Variants in KIF5B observed in about 807,000 individuals in gnomAD.
KIF5B encodes the protein kinesin-1 heavy chain.
KIF5B carries 49 observed loss-of-function variants against 132.8 expected under a neutral mutation model. The ratio of observed to expected loss-of-function variants is 0.37; its 90% CI spans 0.29 to 0.47. The LOEUF is 0.47. KIF5B is among the 20% of genes least tolerant of loss of function. The pLI is 1.00. For missense variants in KIF5B, 780 were observed against 1,144.0 expected, an observed-to-expected ratio of 0.68 and a Z score of 4.59; for synonymous variants, 355 against 369.4, an observed-to-expected ratio of 0.96 and a Z score of 0.45.
chr10:32,040,552 G>T, intron 2 of KIF5B, 95 bp from the exon 3 acceptor site: 1 of 671,644 alleles, frequency 1.5e-6, no homozygotes, highest in Non-Finnish European at 2.6e-6. Flanking sequence ...TAGAGAAAAG[G>T]TTAAAAAAAA....
At chr10:32,037,179 C>A (rs1592449047) in intron 8 of KIF5B, 75 bp downstream of exon 8, 2 of 1,401,248 alleles carry the variant, frequency 1.4e-6, no homozygotes, top group Non-Finnish European at 2.0e-6. Flanking sequence ...CAACAATGAA[C>A]CCTGCGTAAC....
At chr10:32,026,880 T>A (rs1392232926) in intron 15 of KIF5B, among the ~76,000 whole-genome samples, 1 of 152,176 alleles carries the variant, frequency 6.6e-6, no homozygotes, top group African/African-American at 2.4e-5. Flanking sequence ...ATGTTCAGAC[T>A]GATGGTGAAG....
rs1465968379 is a variant in KIF5B at position 32,019,816 on chromosome 10, T to G, written c.2306+42A>C. On this transcript the variant is annotated intron_variant, in intron 20 of 25. Coordinates refer to ENST00000302418, the MANE Select transcript of KIF5B (RefSeq NM_004521.3). ...AAGGTAATGCCTATAATCCTCTAAT[T>G]TAGCTTTTATTTTTAAACTTTAATT... 6 of 1,359,368 alleles carry G rather than the reference T, an allele frequency of 4.4e-6. No homozygotes were observed. The South Asian group carries it at 7.4e-5, about 17-fold the overall frequency. 84.2% of individuals were successfully genotyped at this position (1,359,368 alleles called of 1,614,324 possible). A position where few individuals can be genotyped will look rare whatever the true frequency, so the allele number is the denominator to read the frequency against.
At position 32,018,511 on chromosome 10, in the gene KIF5B, T is replaced by C. The variant is rs779684808; in HGVS notation, c.2358A>G (p.Glu786=). 4 of 1,613,376 alleles carry C rather than the reference T, an allele frequency of 2.5e-6. No individual in the cohort carries two copies. In the East Asian group the frequency reaches 8.9e-5, roughly 36 times the overall value. The change falls in exon 21 of 26, where the codon GAA becomes GAG. Residue 786 remains glutamate, a synonymous_variant. Transcript: ENST00000302418. Reference sequence around the variant, plus strand: ...TTCATGTTTTTCTTACCACTGTCTCTTCCAAACCCTTCAAGTCTTGTCTTG... The same window carrying C: ...TTCATGTTTTTCTTACCACTGTCTCCTCCAAACCCTTCAAGTCTTGTCTTG... ...EQARQDLKGL[E]ETVAKELQTL...
chr10:32,030,356 A>G lies in KIF5B; in HGVS notation c.1581+717T>C, dbSNP rs191016442. 5.4e-3 allele frequency among the ~76,000 whole-genome samples: 819 copies of G among 152,104 alleles called. 2 individuals carry two copies. Among genetic ancestry groups the G allele is most frequent in the Non-Finnish European group, 7.6e-3 (518 of 67,996 alleles). ...ACATGGTGAAACCCTGTTGCTACTAAAAATACAAAATGAGCCGGGCGTGGT... is the reference window on the plus strand; with the variant it reads ...ACATGGTGAAACCCTGTTGCTACTAGAAATACAAAATGAGCCGGGCGTGGT... On this transcript the variant is annotated intron_variant, in intron 14 of 25. Coordinates refer to ENST00000302418, the MANE Select transcript of KIF5B (RefSeq NM_004521.3).
chr10:32,052,091 A>G (rs2132618834), intron 1 of KIF5B, among the ~76,000 whole-genome samples: 1 of 152,352 alleles, frequency 6.6e-6, no homozygotes, highest in African/African-American at 2.4e-5. Context: ...AGGTTCCTTA[A>G]GGGAAGTGAT....
At chr10:32,044,407 C>T (rs945469372) in intron 2 of KIF5B, among the ~76,000 whole-genome samples, 1 of 152,158 alleles carries the variant, frequency 6.6e-6, no homozygotes, top group African/African-American at 2.4e-5. Context: ...CGTGGTGGCT[C>T]ACGCCTGTGA....
At chr10:32,031,859 C>T (rs887919508) in intron 13 of KIF5B, among the ~76,000 whole-genome samples, 6 of 148,370 alleles carry the variant, frequency 4.0e-5, no homozygotes, top group African/African-American at 1.2e-4. Context: ...ATTAGCCAGG[C>T]GTGGTGGCGG....
chr10:32,025,604 A>G (rs1841324552), intron 15 of KIF5B, among the ~76,000 whole-genome samples: 1 of 151,210 alleles, frequency 6.6e-6, no homozygotes, highest in Admixed American at 6.6e-5. Flanking sequence ...TCAAACTCCT[A>G]GCCTCAAGTG....
intron 9 of KIF5B, 47 bp from the exon 10 acceptor site, chr10:32,035,714 G>A (rs1592448278): frequency 6.6e-7 from 1 of 1,522,692 alleles, no homozygotes; most frequent in East Asian, 2.3e-5. Flanking sequence ...ATAATAAAAT[G>A]TTATTATAAA....
intron 24 of KIF5B, among the ~76,000 whole-genome samples, chr10:32,016,489 AAC>A (rs1480680603): frequency 6.6e-6 from 1 of 151,906 alleles, no homozygotes; most frequent in Non-Finnish European, 1.5e-5. Context: ...AAATAAATAA[AAC>A]ACAAAAAAAA....
Position 32,028,509 on chromosome 10 carries a change from T to C in KIF5B, c.1644A>G (p.Lys548=). ...ATGCCATCATCTCAGCTGCTCGTTT[T>C]TTCTGGTGGTTGGTCATTTCCTTAA... ...QKLKEMTNHQ[K]KRAAEMMASL... The change falls in exon 15 of 26, where the codon AAA becomes AAG. Residue 548 remains lysine (K), a synonymous_variant. Coordinates refer to ENST00000302418, the MANE Select transcript of KIF5B (RefSeq NM_004521.3). 1 of 1,613,988 alleles carries C rather than the reference T, an allele frequency of 6.2e-7. No individual in the cohort carries two copies. The highest frequency in any genetic ancestry group is 8.5e-7 in the Non-Finnish European group (1 of 1,179,896).
intron 8 of KIF5B, among the ~76,000 whole-genome samples, 154 bp downstream of exon 8, chr10:32,037,100 T>C (rs967869874): frequency 6.6e-6 from 1 of 152,220 alleles, no homozygotes; most frequent in African/African-American, 2.4e-5. Flanking sequence ...TCAGCTGATA[T>C]CATCATAAGG....
At chr10:32,016,130 A>T (rs1281075363) in intron 24 of KIF5B, among the ~76,000 whole-genome samples, 1 of 152,092 alleles carries the variant, frequency 6.6e-6, no homozygotes. Flanking sequence ...GGTGACAAGC[A>T]AGACCCTGTG....
intron 15 of KIF5B, among the ~76,000 whole-genome samples, chr10:32,024,133 C>T (rs1203048670): frequency 3.9e-5 from 5 of 127,568 alleles, no homozygotes; most frequent in African/African-American, 1.4e-4. Flanking sequence ...ATATCCAAAA[C>T]ATATGAAGAA....
chr10:32,044,853 T>C (rs1841588721), intron 2 of KIF5B, among the ~76,000 whole-genome samples: 1 of 152,148 alleles, frequency 6.6e-6, no homozygotes, highest in Non-Finnish European at 1.5e-5. Context: ...GAATTCAATC[T>C]AGGACTGTCT....
intron 11 of KIF5B, among the ~76,000 whole-genome samples, chr10:32,034,300 T>C (rs1037512031): frequency 6.6e-6 from 1 of 151,978 alleles, no homozygotes; most frequent in Non-Finnish European, 1.5e-5. Flanking sequence ...TCAGTAGAGA[T>C]GGGGTTTCAA....
chr10:32,039,031 T>C (rs1382643920), intron 4 of KIF5B, among the ~76,000 whole-genome samples: 1 of 152,206 alleles, frequency 6.6e-6, no homozygotes, highest in Non-Finnish European at 1.5e-5. Flanking sequence ...AATTACATTA[T>C]CTTCATCTAA....
intron 4 of KIF5B, 130 bp downstream of exon 4, chr10:32,039,197 C>A (rs2132606437): frequency 1.9e-6 from 1 of 535,132 alleles, no homozygotes; most frequent in East Asian, 3.3e-5. Context: ...AGTTTACTAA[C>A]CTGAATGATC....
Sources: gnomAD v4.1 joint callset for allele counts (sites outside exome capture counted in the v4.1 genomes callset) on GRCh38, gnomAD v4.1.1 for gene constraint, MANE v1.5 for transcripts, NCBI Gene and HGNC (gene_info 2026-07-23, HGNC 2026-07-21) for gene names.